Variants in SPAG17 observed in about 807,000 individuals in gnomAD.
The protein encoded by SPAG17 is sperm associated antigen 17, also known as sperm-associated antigen 17.
Under a neutral mutation model 273.6 loss-of-function variants are expected in SPAG17, and 169 were observed. That is an observed-to-expected ratio of 0.62 (90% CI 0.55 to 0.70). SPAG17 has a LOEUF of 0.70. Ranked by LOEUF, SPAG17 falls within the 30% of genes least tolerant of loss-of-function variation. The pLI is 0.00. For missense variants in SPAG17, 2,557 were observed against 2,627.8 expected (o/e 0.97, Z 0.59); for synonymous variants, 825 against 873.2 (o/e 0.94, Z 0.97).
At chr1:118,153,230 G>A (rs1659484106) in intron 1 of SPAG17, among the ~76,000 whole-genome samples, 1 of 152,146 alleles carries the variant, frequency 6.6e-6, no homozygotes, top group African/African-American at 2.4e-5. Context: ...CAATTATTGT[G>A]AATCTGCCAT....
intron 10 of SPAG17, among the ~76,000 whole-genome samples, chr1:118,087,424 C>T (rs1215253556): frequency 2.0e-5 from 3 of 152,152 alleles, no homozygotes; most frequent in East Asian, 1.9e-4. Flanking sequence ...CTATGTAACA[C>T]ATCTTCACAT....
chr1:118,131,851 C>T (rs1439974975), intron 3 of SPAG17, among the ~76,000 whole-genome samples: 1 of 152,142 alleles, frequency 6.6e-6, no homozygotes, highest in Non-Finnish European at 1.5e-5. Context: ...CTGGTGATGT[C>T]CTCTTTTCAT....
chr1:118,152,783 A>G lies in SPAG17; in HGVS notation c.88-1414T>C, dbSNP rs80181925. 5.8e-3 allele frequency among the ~76,000 whole-genome samples: 879 copies of G among 152,316 alleles called. 54 individuals are homozygous for G. The East Asian group carries it at 0.13, about 23-fold the overall frequency. Reference sequence around the variant, plus strand: ...TTATTTTTTAAACATTCTGACTTTTAAAAGTAGATATGATATGTATAATGT... The same window carrying G: ...TTATTTTTTAAACATTCTGACTTTTGAAAGTAGATATGATATGTATAATGT... On this transcript the variant is annotated intron_variant, in intron 1 of 48. Transcript: ENST00000336338.
At chr1:118,022,874 G>A (rs1647274099) in intron 28 of SPAG17, among the ~76,000 whole-genome samples, 1 of 152,104 alleles carries the variant, frequency 6.6e-6, no homozygotes, top group Non-Finnish European at 1.5e-5. Flanking sequence ...CTTGAAGAAA[G>A]CTCTTGCATT....
intron 1 of SPAG17, among the ~76,000 whole-genome samples, chr1:118,160,392 C>A (rs768208601): frequency 2.0e-5 from 3 of 152,194 alleles, no homozygotes; most frequent in Admixed American, 6.5e-5. Flanking sequence ...ATACATTAAG[C>A]TTTGTGTATG....
chr1:118,103,999 C>A (rs1288802418), intron 4 of SPAG17, among the ~76,000 whole-genome samples: 1 of 151,992 alleles, frequency 6.6e-6, no homozygotes, highest in Non-Finnish European at 1.5e-5. Context: ...ATGGGCCAGG[C>A]CATCCAGGGC....
intron 20 of SPAG17, among the ~76,000 whole-genome samples, chr1:118,052,412 A>G (rs1051176815): frequency 1.3e-5 from 2 of 151,748 alleles, no homozygotes; most frequent in Non-Finnish European, 2.9e-5. Context: ...GGGGATCGGG[A>G]AGATGTTGGT....
At chr1:117,980,625 G>T (rs1159620419) in intron 43 of SPAG17, among the ~76,000 whole-genome samples, 3 of 152,178 alleles carry the variant, frequency 2.0e-5, no homozygotes, top group Admixed American at 6.5e-5. Context: ...CTCACATTCA[G>T]CATGGAACAT....
chr1:118,005,600 C>A lies in SPAG17; in HGVS notation c.4590G>T (p.Val1530=). The A allele has an allele frequency of 6.8e-7, 1 of 1,472,896 alleles. No homozygotes were observed. The highest frequency in any genetic ancestry group is 1.5e-5 in the South Asian group (1 of 65,554). The allele number at this position is 1,472,896 out of a possible 1,614,324, so 91.2% of individuals were successfully genotyped here. A position where few individuals can be genotyped will look rare whatever the true frequency, so the allele number is the denominator to read the frequency against. ...AAAGAGAGCCTGTGTTTGGAGGTAA[C>A]ACCTGAAAGAGTAACAGAAAGACAG... ...IIAKPQGTYQ[V]LPPNTGSLYI... is the part of the protein sequence containing the mutation. Residue 1530 remains valine, a splice_region_variant and synonymous_variant, in exon 32 of 49, where the codon GTG becomes GTT. Transcript: ENST00000336338.
chr1:118,162,589 C>A (rs998081475), intron 1 of SPAG17, among the ~76,000 whole-genome samples: 27 of 152,154 alleles, frequency 1.8e-4, no homozygotes, highest in African/African-American at 5.8e-4. Flanking sequence ...AAGCACTGTA[C>A]AAATTGTTCA....
chr1:118,091,167 A>G (rs2802670), intron 10 of SPAG17, among the ~76,000 whole-genome samples: 150,077 of 152,248 alleles, frequency 0.99, 74,009 homozygotes, highest in East Asian at 1. Context: ...TAAAACTCCA[A>G]TAAAATACTT....
At chr1:118,085,555 C>A (rs745774726) in intron 13 of SPAG17, among the ~76,000 whole-genome samples, 11 of 152,222 alleles carry the variant, frequency 7.2e-5, no homozygotes, top group Non-Finnish European at 1.3e-4. Context: ...CACACACACA[C>A]ACACAGCCCT....
At position 117,973,433 on chromosome 1, in the gene SPAG17, G is replaced by T. The variant is rs771313878; in HGVS notation, c.6133C>A (p.Leu2045Ile). Residue 2045 changes from leucine to isoleucine, a missense_variant, in exon 44 of 49, where the codon CTT (leucine) becomes ATT (isoleucine). Transcript: ENST00000336338. ...TCCAATGTTTGTTTTACCTTTGCAA[G>T]AGGTTGAGACTTAGGCTTGGAACTC... ...LLSSKPKSQP[L>I]AKVQDSVGGK... 6.2e-7 allele frequency: 1 copy of T among 1,612,234 alleles called. No homozygotes were observed. The highest frequency in any genetic ancestry group is 2.2e-5 in the East Asian group (1 of 44,836).
intron 30 of SPAG17, among the ~76,000 whole-genome samples, chr1:118,009,333 C>T (rs1659232962): frequency 6.6e-6 from 1 of 151,600 alleles, no homozygotes; most frequent in South Asian, 2.1e-4. Context: ...TCACTTAGTC[C>T]ACTATGTATA....
At chr1:118,120,435 T>A (rs1657357139) in intron 3 of SPAG17, among the ~76,000 whole-genome samples, 1 of 152,316 alleles carries the variant, frequency 6.6e-6, no homozygotes, top group Non-Finnish European at 1.5e-5. Context: ...AAAATAATAT[T>A]CATTTAATCA....
Position 118,151,368 on chromosome 1 carries a change from T to C in SPAG17, c.89A>G (p.Asn30Ser). Residue 30 changes from asparagine to serine, a missense_variant and splice_region_variant, in exon 2 of 49, where the codon AAC becomes AGC. Physicochemically the swap from Asn to Ser is conservative, Grantham distance 46. Transcript: ENST00000336338. ...AAAAGCAATGGAGGCCTGCCAATCG[T>C]TCTATTAAAAATCAGACGGAATTAG... Reference protein sequence around the residue: ...PSLIAAQFNQNDWQASIAFVV... With the variant: ...PSLIAAQFNQSDWQASIAFVV... 6.2e-7 allele frequency: 1 copy of C among 1,611,556 alleles called. No individual in the cohort carries two copies. Among genetic ancestry groups the C allele is most frequent in the Non-Finnish European group, 8.5e-7 (1 of 1,178,484 alleles).
intron 24 of SPAG17, among the ~76,000 whole-genome samples, chr1:118,034,530 T>C (rs986057459): frequency 2.0e-5 from 3 of 152,208 alleles, no homozygotes; most frequent in Non-Finnish European, 4.4e-5. Context: ...CCACTTGCTC[T>C]GGGAAGCATT....
chr1:118,148,872 A>G (rs1468188843), intron 3 of SPAG17, among the ~76,000 whole-genome samples: 2 of 152,240 alleles, frequency 1.3e-5, no homozygotes. Context: ...GATGAGAGGT[A>G]CTAGGTAGCA....
At chr1:118,092,629 G>A (rs138913955) in intron 8 of SPAG17, among the ~76,000 whole-genome samples, 84 of 152,018 alleles carry the variant, frequency 5.5e-4, no homozygotes, top group African/African-American at 1.9e-3. Context: ...TCCCCACATC[G>A]CTAATCCTGG....
Sources: allele counts gnomAD v4.1 joint callset (sites outside exome capture counted in the v4.1 genomes callset), GRCh38; gene constraint gnomAD v4.1.1; transcripts MANE v1.5; gene names NCBI Gene and HGNC (gene_info 2026-07-23, HGNC 2026-07-21).